Variants in HHAT observed in about 807,000 individuals in gnomAD.
HHAT encodes protein-cysteine N-palmitoyltransferase HHAT.
A neutral mutation model predicts 70.8 loss-of-function variants in HHAT; 47 were observed. That is an observed-to-expected ratio of 0.66 (90% CI 0.53 to 0.85). The LOEUF (loss-of-function observed/expected upper bound fraction) is 0.85. Among genes scored for constraint, HHAT ranks in the 40% least tolerant of loss-of-function variants. The pLI is 0.00. For synonymous variants in HHAT, 228 were observed against 247.6 expected (o/e 0.92, Z 0.74); for missense variants, 609 against 604.8 (o/e 1.01, Z -0.07).
intron 10 of HHAT, among the ~76,000 whole-genome samples, chr1:210,611,683 A>T (rs1002102084): frequency 1.3e-5 from 2 of 152,200 alleles, no homozygotes. Context: ...TGTTTCTTCA[A>T]TACCTAGTTT....
chr1:210,410,438 A>G (rs2092496013), intron 6 of HHAT, among the ~76,000 whole-genome samples: 1 of 146,646 alleles, frequency 6.8e-6, no homozygotes, highest in Non-Finnish European at 1.5e-5. Flanking sequence ...GAAAGATGAA[A>G]AACCTTTTGT....
chr1:210,440,565 T>C (rs57387426), intron 7 of HHAT, among the ~76,000 whole-genome samples: 4,469 of 151,882 alleles, frequency 0.029, 344 homozygotes, highest in African/African-American at 0.1. Context: ...GCTGGGACAG[T>C]GAGTCCTTCA....
At chr1:210,362,130 A>G (rs2088390751) in intron 2 of HHAT, among the ~76,000 whole-genome samples, 1 of 152,250 alleles carries the variant, frequency 6.6e-6, no homozygotes, top group Admixed American at 6.5e-5. Context: ...GTTTACTTAC[A>G]AACATGCTCA....
At chr1:210,372,856 G>A (rs2148069773) in intron 3 of HHAT, among the ~76,000 whole-genome samples, 1 of 150,048 alleles carries the variant, frequency 6.7e-6, no homozygotes, top group Middle Eastern at 3.5e-3. Flanking sequence ...CACTGTACCT[G>A]GCCTCAAGGG....
At chr1:210,399,961 A>G (rs532004594) in intron 4 of HHAT, among the ~76,000 whole-genome samples, 1 of 152,348 alleles carries the variant, frequency 6.6e-6, no homozygotes, top group Non-Finnish European at 1.5e-5. Flanking sequence ...AAAACCCTAC[A>G]TATTTAAAAT....
At chr1:210,356,593 C>A (rs1248357371) in intron 2 of HHAT, among the ~76,000 whole-genome samples, 3 of 152,200 alleles carry the variant, frequency 2.0e-5, no homozygotes, top group Non-Finnish European at 4.4e-5. Flanking sequence ...CATTCACCTT[C>A]TACCTTTTGT....
Position 210,535,616 on chromosome 1 carries a change from G to A in HHAT, c.1043+22428G>A, listed in dbSNP as rs1203349954. ...ACACATCAGATGTCAGATTGGCTTG[G>A]CCTTTTATGACAGAAGCTACTTTGA... On this transcript the variant is annotated intron_variant, in intron 9 of 11. Transcript: ENST00000261458. Among the ~76,000 whole-genome samples, 5 of 151,800 alleles carry A rather than the reference G, an allele frequency of 3.3e-5. No homozygotes were observed. The South Asian group carries it at 6.3e-4, about 19-fold the overall frequency.
intron 10 of HHAT, among the ~76,000 whole-genome samples, chr1:210,616,342 C>G (rs922272710): frequency 6.6e-6 from 1 of 152,146 alleles, no homozygotes. Flanking sequence ...CTCTCCAACA[C>G]CCCCTTTTCC....
At chr1:210,414,357 A>G (rs1006564717) in intron 6 of HHAT, among the ~76,000 whole-genome samples, 1 of 152,196 alleles carries the variant, frequency 6.6e-6, no homozygotes, top group African/African-American at 2.4e-5. Flanking sequence ...ACAAACATGC[A>G]GACCATAGCA....
intron 7 of HHAT, among the ~76,000 whole-genome samples, chr1:210,464,260 C>A (rs2094047354): frequency 6.6e-6 from 1 of 152,032 alleles, no homozygotes. Flanking sequence ...TTCCTAGCAT[C>A]TGTAAAAGCA....
intron 9 of HHAT, among the ~76,000 whole-genome samples, chr1:210,538,109 T>C (rs961260497): frequency 6.6e-6 from 1 of 152,188 alleles, no homozygotes; most frequent in South Asian, 2.1e-4. Flanking sequence ...TACAGACCTT[T>C]ATGAGAATGG....
intron 7 of HHAT, among the ~76,000 whole-genome samples, chr1:210,430,956 T>A (rs1396820142): frequency 1.3e-5 from 2 of 151,982 alleles, no homozygotes; most frequent in South Asian, 4.1e-4. Flanking sequence ...TATCTTACAT[T>A]CTATAGCTGG....
intron 8 of HHAT, among the ~76,000 whole-genome samples, chr1:210,490,905 C>T (rs115321942): frequency 1.0e-3 from 155 of 152,108 alleles, no homozygotes; most frequent in African/African-American, 3.5e-3. Context: ...CATTCTTTTA[C>T]ACCAGAAGAC....
At chr1:210,623,477 A>G (rs771923717) in intron 10 of HHAT, 49 bp from the exon 11 acceptor site, 23 of 1,610,040 alleles carry the variant, frequency 1.4e-5, no homozygotes, top group Non-Finnish European at 1.9e-5. Context: ...TCTTAGCCCC[A>G]TTTTTTCCAC....
chr1:210,448,575 T>C (rs998102175), intron 7 of HHAT, among the ~76,000 whole-genome samples: 1 of 152,126 alleles, frequency 6.6e-6, no homozygotes, highest in African/African-American at 2.4e-5. Flanking sequence ...TTACGAAGTA[T>C]TGAGATTGGA....
rs1387434593 is a variant in HHAT, at chr1:210,629,844, T to A, written c.1390+6174T>A. Among the ~76,000 whole-genome samples, 3 of 145,370 alleles carry A rather than the reference T, an allele frequency of 2.1e-5. No individual in the cohort carries two copies. The East Asian group carries it at 5.9e-4, about 28-fold the overall frequency. On this transcript the variant is annotated intron_variant, in intron 11 of 11. Coordinates refer to ENST00000261458, the MANE Select transcript of HHAT (RefSeq NM_018194.6). ...CTGTTTCTGTTTTTTTTTTGTTTTT[T>A]GTTTTTTGTTTTTTTTTTTTGAGAC...
intron 1 of HHAT, among the ~76,000 whole-genome samples, chr1:210,343,658 G>A (rs952406155): frequency 3.3e-5 from 5 of 152,170 alleles, no homozygotes; most frequent in African/African-American, 1.2e-4. Flanking sequence ...AAGAGGCACC[G>A]GGCTGAAAGC....
intron 9 of HHAT, among the ~76,000 whole-genome samples, chr1:210,567,636 A>G (rs1655095184): frequency 6.6e-6 from 1 of 151,960 alleles, no homozygotes; most frequent in Non-Finnish European, 1.5e-5. Context: ...ATTCCTTTCC[A>G]TCCCTTTTGC....
intron 8 of HHAT, among the ~76,000 whole-genome samples, chr1:210,500,294 G>T (rs1373768025): frequency 2.6e-5 from 4 of 152,230 alleles, no homozygotes; most frequent in Non-Finnish European, 5.9e-5. Context: ...GTTTTAATAA[G>T]ATGACCGATT....
Sources: gnomAD v4.1 joint callset for allele counts (sites outside exome capture counted in the v4.1 genomes callset) on GRCh38, gnomAD v4.1.1 for gene constraint, MANE v1.5 for transcripts, NCBI Gene and HGNC (gene_info 2026-07-23, HGNC 2026-07-21) for gene names.